The following NTM variants were observed in gnomAD, a reference collection of about 807,000 sequenced individuals.
NTM encodes neurotrimin.
NTM carries 13 observed loss-of-function variants against 42.1 expected under a neutral mutation model. That is an observed-to-expected ratio of 0.31 (90% confidence interval 0.20 to 0.49). The LOEUF is 0.49. Ranked by LOEUF, NTM falls within the 20% of genes least tolerant of loss-of-function variation. The probability of loss-of-function intolerance (pLI) is 0.99; values close to 1 mark genes in which losing one functional copy is unlikely to be tolerated. For missense variants in NTM, 373 were observed against 452.8 expected, an observed-to-expected ratio of 0.82 and a Z score of 1.60; for synonymous variants, 187 against 179.2, an observed-to-expected ratio of 1.04 and a Z score of -0.35.
intron 2 of NTM, among the ~76,000 whole-genome samples, chr11:132,000,998 G>A (rs1482989490): frequency 6.6e-6 from 1 of 152,212 alleles, no homozygotes; most frequent in Non-Finnish European, 1.5e-5. Flanking sequence ...AGCGTGGTAT[G>A]TGTGTAGCAT....
chr11:131,773,416 T>C (rs1591745996), intron 1 of NTM, among the ~76,000 whole-genome samples: 2 of 152,266 alleles, frequency 1.3e-5, no homozygotes, highest in Admixed American at 6.5e-5. Context: ...AGGGTGCCTA[T>C]ACTTACATTT....
chr11:131,652,981 T>C lies in NTM; in HGVS notation c.83-258583T>C, dbSNP rs1047680835. ...GACGGAAGCAACCTTATTACCAGTC[T>C]CCAAAACATCTCCATAAAACCCACC... On this transcript the variant is annotated intron_variant, in intron 1 of 8. Transcript: ENST00000683400. 8.5e-5 allele frequency among the ~76,000 whole-genome samples: 13 copies of C among 152,112 alleles called. No individual in the cohort carries two copies. The East Asian group carries it at 2.1e-3, about 25-fold the overall frequency.
intron 1 of NTM, among the ~76,000 whole-genome samples, chr11:131,628,745 C>A (rs945045346): frequency 1.3e-5 from 2 of 152,222 alleles, no homozygotes; most frequent in African/African-American, 2.4e-5. Context: ...CTGGAAAGGA[C>A]CTTCCTCACT....
At chr11:131,447,498 C>T (rs1950149758) in intron 1 of NTM, among the ~76,000 whole-genome samples, 1 of 152,134 alleles carries the variant, frequency 6.6e-6, no homozygotes, top group Non-Finnish European at 1.5e-5. Context: ...TTCCTAATCC[C>T]CACATTAGCA....
At chr11:131,523,285 G>A (rs1030491006) in intron 1 of NTM, among the ~76,000 whole-genome samples, 13 of 152,206 alleles carry the variant, frequency 8.5e-5, no homozygotes, top group African/African-American at 3.1e-4. Flanking sequence ...AGTTGTCAGA[G>A]GTGGGTTTCG....
intron 1 of NTM, among the ~76,000 whole-genome samples, chr11:131,655,902 T>C (rs2067125551): frequency 6.6e-6 from 1 of 152,204 alleles, no homozygotes; most frequent in African/African-American, 2.4e-5. Flanking sequence ...CCAAATCGAT[T>C]GGCCATCTGG....
chr11:132,211,417 G>A (rs1321661982), intron 3 of NTM, among the ~76,000 whole-genome samples: 4 of 152,280 alleles, frequency 2.6e-5, no homozygotes, highest in South Asian at 4.1e-4. Flanking sequence ...AAATGAAAAC[G>A]AGAATGGCTG....
At position 132,333,767 on chromosome 11, in the gene NTM, G is replaced by GCTAC. The variant is rs148885767; in HGVS notation, c.968-1275_968-1272dup. Among the ~76,000 whole-genome samples, 1,258 of 152,270 alleles carry GCTAC rather than the reference G, an allele frequency of 8.3e-3. 17 individuals carry two copies. The highest frequency in any genetic ancestry group is 0.029 in the African/African-American group (1,195 of 41,526). ...TGACCTATTGCATTTCAATCTCATG[G>GCTAC]CTACCTATTTAGCCACGCCCCCAAA... is the stretch of plus-strand genomic sequence containing the variant. On this transcript the variant is annotated intron_variant, in intron 8 of 8. Transcript: ENST00000683400.
chr11:132,333,976 G>C (rs529840377), intron 8 of NTM, among the ~76,000 whole-genome samples: 1 of 152,290 alleles, frequency 6.6e-6, no homozygotes, highest in Non-Finnish European at 1.5e-5. Flanking sequence ...TTCTGGCTTT[G>C]TTCCTTGTTC....
chr11:132,321,134 G>A (rs1363862984), intron 7 of NTM, among the ~76,000 whole-genome samples: 1 of 152,218 alleles, frequency 6.6e-6, no homozygotes, highest in African/African-American at 2.4e-5. Context: ...CTCCTCCAAA[G>A]GAATGCAGCT....
intron 1 of NTM, among the ~76,000 whole-genome samples, chr11:131,399,526 G>A (rs1269379660): frequency 6.6e-6 from 1 of 152,184 alleles, no homozygotes. Context: ...CAGATGAGGA[G>A]ACTGAAGAGG....
chr11:131,812,491 C>T (rs1414568914), intron 1 of NTM, among the ~76,000 whole-genome samples: 1 of 152,056 alleles, frequency 6.6e-6, no homozygotes, highest in African/African-American at 2.4e-5. Context: ...GCCTTCTCTC[C>T]ATCCCTCCTT....
rs1158519271 is a variant in NTM, at chr11:132,317,822, G to GTGAT, written c.934+3126_934+3129dup. The GTGAT allele has an allele frequency of 3.2e-4, 139 of 435,278 alleles. 1 individual carries two copies. Among genetic ancestry groups the GTGAT allele is most frequent in the South Asian group, 2.0e-3 (97 of 49,464 alleles). 27.0% of individuals were successfully genotyped at this position (435,278 alleles called of 1,614,324 possible). A position where few individuals can be genotyped will look rare whatever the true frequency, so the allele number is the denominator to read the frequency against. On this transcript the variant is annotated intron_variant, in intron 7 of 8. Coordinates refer to ENST00000683400, the MANE Select transcript of NTM (RefSeq NM_001352005.2). ...AGGATGTGGAAGGCTATTGAAGGAG[G>GTGAT]TGATTGATTGGGAGCCAGGGAGACT...
At chr11:131,884,022 C>A (rs1327970124) in intron 1 of NTM, among the ~76,000 whole-genome samples, 1 of 152,152 alleles carries the variant, frequency 6.6e-6, no homozygotes, top group Admixed American at 6.5e-5. Flanking sequence ...GTGACAGGAG[C>A]TATTCTAAGC....
intron 1 of NTM, among the ~76,000 whole-genome samples, chr11:131,728,754 T>G (rs549159734): frequency 6.7e-6 from 1 of 149,658 alleles, no homozygotes; most frequent in East Asian, 1.9e-4. Flanking sequence ...TGAGCCCCTC[T>G]GTCCTTCCCA....
intron 1 of NTM, among the ~76,000 whole-genome samples, chr11:131,827,736 G>A (rs935346966): frequency 9.2e-5 from 14 of 152,172 alleles, no homozygotes; most frequent in Non-Finnish European, 2.1e-4. Context: ...TGAAGTTCAA[G>A]TTATGTATAT....
At chr11:132,053,378 A>C (rs1370956987) in intron 2 of NTM, among the ~76,000 whole-genome samples, 1 of 152,240 alleles carries the variant, frequency 6.6e-6, no homozygotes, top group Non-Finnish European at 1.5e-5. Flanking sequence ...GAACGGATCC[A>C]GGCACAGAAC....
At chr11:131,672,315 C>T (rs2070444140) in intron 1 of NTM, among the ~76,000 whole-genome samples, 1 of 152,212 alleles carries the variant, frequency 6.6e-6, no homozygotes, top group African/African-American at 2.4e-5. Context: ...GCTTCTGGGG[C>T]CAGGTGAAGG....
At chr11:131,519,260 T>C (rs968450619) in intron 1 of NTM, among the ~76,000 whole-genome samples, 22 of 152,262 alleles carry the variant, frequency 1.4e-4, no homozygotes, top group Admixed American at 1.4e-3. Flanking sequence ...AGAACCTGCT[T>C]GTTAGGGAGC....
Sources: gnomAD v4.1 joint callset for allele counts (sites outside exome capture counted in the v4.1 genomes callset) on GRCh38, gnomAD v4.1.1 for gene constraint, MANE v1.5 for transcripts, NCBI Gene and HGNC (gene_info 2026-07-23, HGNC 2026-07-21) for gene names.